Variants in PRMT8 observed in about 807,000 individuals in gnomAD.
PRMT8 encodes the protein protein arginine methyltransferase 8, also known as protein arginine N-methyltransferase 8.
A neutral mutation model predicts 47.1 loss-of-function variants in PRMT8; 7 were observed. That is an observed-to-expected ratio of 0.15 (90% confidence interval 0.08 to 0.28). PRMT8 has a LOEUF of 0.28. PRMT8 is among the 10% of genes least tolerant of loss of function. The pLI is 1.00. For missense variants in PRMT8, 237 were observed against 505.4 expected, an observed-to-expected ratio of 0.47 and a Z score of 5.09; for synonymous variants, 188 against 186.5, an observed-to-expected ratio of 1.01 and a Z score of -0.07.
Position 3,456,582 on chromosome 12 carries a change from C to T in PRMT8, c.48+75140C>T, listed in dbSNP as rs955447649. 6.6e-6 allele frequency among the ~76,000 whole-genome samples: 1 copy of T among 152,126 alleles called. No homozygotes were observed. Among genetic ancestry groups the T allele is most frequent in the Non-Finnish European group, 1.5e-5 (1 of 68,028 alleles). Reference sequence around the variant, plus strand: ...CCAACAGCCTTCTCCTCGCGAAACGCCCGGGACCATCCGTCTGAATTACCC... The same window carrying T: ...CCAACAGCCTTCTCCTCGCGAAACGTCCGGGACCATCCGTCTGAATTACCC... On this transcript the variant is annotated intron_variant, in intron 1 of 9. Coordinates refer to the PRMT8 transcript ENST00000452611. This position sits in a 1 kb window ranked among gnomAD's most constrained non-coding sequence, Gnocchi z 4.2.
intron 8 of PRMT8, among the ~76,000 whole-genome samples, chr12:3,589,530 C>T (rs1867255159): frequency 6.6e-6 from 1 of 152,184 alleles, no homozygotes; most frequent in Non-Finnish European, 1.5e-5. Flanking sequence ...TCACCTGCCC[C>T]TCCACGCCCC....
Position 3,453,946 on chromosome 12 carries a change from T to C in PRMT8, c.48+72504T>C, listed in dbSNP as rs1054014818. On this transcript the variant is annotated intron_variant, in intron 1 of 9. Transcript: ENST00000452611. The surrounding 1 kb of genome is among the most constrained non-coding windows in gnomAD (Gnocchi z 4.9). The stretch of plus-strand genomic sequence containing the variant: ...TGTGCTCCTCATGGCACATTTACCA[T>C]GGGCTTTTTCAGGTTTCGAGAAGCA... Among the ~76,000 whole-genome samples, 1 of 152,168 alleles carries C rather than the reference T, an allele frequency of 6.6e-6. No individual in the cohort carries two copies. Among genetic ancestry groups the C allele is most frequent in the African/African-American group, 2.4e-5 (1 of 41,440 alleles).
intron 1 of PRMT8, among the ~76,000 whole-genome samples, chr12:3,523,964 G>A (rs1225686497): frequency 6.6e-6 from 1 of 152,196 alleles, no homozygotes; most frequent in African/African-American, 2.4e-5. Context: ...AAACAAAGGC[G>A]ACTACTCGGC....
chr12:3,433,185 TTGATCAATA>T (rs1449709346), intron 1 of PRMT8, among the ~76,000 whole-genome samples: 5 of 152,216 alleles, frequency 3.3e-5, no homozygotes, highest in Non-Finnish European at 7.3e-5. Context: ...TTGTGTGTCT[TTGATCAATA>T]GTGAGGTTAG....
At chr12:3,386,609 C>T (rs1864140785) in intron 1 of PRMT8, among the ~76,000 whole-genome samples, 1 of 152,114 alleles carries the variant, frequency 6.6e-6, no homozygotes, top group Non-Finnish European at 1.5e-5. Context: ...TTCGTTCGTT[C>T]AACAATGATT....
intron 2 of PRMT8, among the ~76,000 whole-genome samples, chr12:3,544,895 C>T (rs1025442690): frequency 2.0e-5 from 3 of 152,156 alleles, no homozygotes; most frequent in East Asian, 3.9e-4. Flanking sequence ...GCAGTTTGGA[C>T]GAACAGGCTC....
Position 3,453,436 on chromosome 12 carries a change from G to A in PRMT8, c.48+71994G>A, listed in dbSNP as rs1240345012. 1.3e-5 allele frequency among the ~76,000 whole-genome samples: 2 copies of A among 152,172 alleles called. No homozygotes were observed. Among genetic ancestry groups the A allele is most frequent in the Non-Finnish European group, 2.9e-5 (2 of 68,030 alleles). The stretch of plus-strand genomic sequence containing the variant: ...ATGGGGAATGCAGATTCCCAGGCCA[G>A]CCCTGCCAAGTCTGAGTGAGTCCCC... On this transcript the variant is annotated intron_variant, in intron 1 of 9. Transcript: ENST00000452611. The surrounding 1 kb of genome is among the most constrained non-coding windows in gnomAD (Gnocchi z 4.9).
At chr12:3,586,988 C>G (rs1037198031) in intron 8 of PRMT8, among the ~76,000 whole-genome samples, 1 of 152,208 alleles carries the variant, frequency 6.6e-6, no homozygotes, top group Non-Finnish European at 1.5e-5. Context: ...TAGCAAACTT[C>G]TTTCCCAGTT....
chr12:3,408,024 G>A (rs1429562868), intron 1 of PRMT8, among the ~76,000 whole-genome samples: 6 of 151,866 alleles, frequency 4.0e-5, no homozygotes, highest in Non-Finnish European at 8.8e-5. Flanking sequence ...TTCTCACTCA[G>A]ATCATGAATT....
intron 1 of PRMT8, among the ~76,000 whole-genome samples, chr12:3,383,249 A>C (rs1039291532): frequency 6.6e-6 from 1 of 152,238 alleles, no homozygotes; most frequent in African/African-American, 2.4e-5. Context: ...GTCTATATCT[A>C]TAAAAATCTT....
At chr12:3,458,117 A>G (rs1864996399) in intron 1 of PRMT8, among the ~76,000 whole-genome samples, 1 of 152,212 alleles carries the variant, frequency 6.6e-6, no homozygotes, top group Non-Finnish European at 1.5e-5. Flanking sequence ...CTGGGATTAC[A>G]GGCGTGAGCA....
chr12:3,440,896 C>T (rs867954839), intron 1 of PRMT8, among the ~76,000 whole-genome samples: 2 of 152,188 alleles, frequency 1.3e-5, no homozygotes, highest in Non-Finnish European at 2.9e-5. Flanking sequence ...TTGGATCAGA[C>T]AAGAACTTGC....
At chr12:3,592,150 A>G in intron 8 of PRMT8, 81 bp from the exon 9 acceptor site, 3 of 1,450,614 alleles carry the variant, frequency 2.1e-6, no homozygotes, top group South Asian at 3.1e-5. Flanking sequence ...AGCAACTTCT[A>G]TGCAGGGTCC....
intron 1 of PRMT8, among the ~76,000 whole-genome samples, chr12:3,405,346 A>G (rs1489008073): frequency 1.3e-5 from 2 of 152,188 alleles, no homozygotes; most frequent in African/African-American, 2.4e-5. Flanking sequence ...ATTACAATTC[A>G]AGATGAGATT....
intron 1 of PRMT8, among the ~76,000 whole-genome samples, chr12:3,435,032 G>A (rs1201049457): frequency 1.3e-5 from 2 of 148,932 alleles, no homozygotes; most frequent in Non-Finnish European, 3.0e-5. Flanking sequence ...GCAGGGGCGC[G>A]ATCTCGGCTC....
At chr12:3,558,948 G>A (rs550100481) in intron 4 of PRMT8, among the ~76,000 whole-genome samples, 2 of 112,638 alleles carry the variant, frequency 1.8e-5, no homozygotes, top group African/African-American at 8.3e-5. Flanking sequence ...ACATTTATCT[G>A]TCTATCTATC....
At position 3,529,715 on chromosome 12, in the gene PRMT8, C is replaced by A. The variant is rs573989092; in HGVS notation, c.76-10891C>A. On this transcript the variant is annotated intron_variant, in intron 1 of 9. Transcript: ENST00000382622. The stretch of plus-strand genomic sequence containing the variant: ...TTGGTATGGCTATGATTTTGGCCAG[C>A]AACTTGTGATTTTCTTTCTCTCTTA... 2.6e-5 allele frequency among the ~76,000 whole-genome samples: 4 copies of A among 152,290 alleles called. No homozygotes were observed. In the East Asian group the frequency reaches 7.7e-4, roughly 29 times the overall value.
chr12:3,423,409 G>A (rs748084936), intron 1 of PRMT8, among the ~76,000 whole-genome samples: 19 of 152,152 alleles, frequency 1.2e-4, no homozygotes, highest in Non-Finnish European at 2.2e-4. Context: ...CATGTAAATG[G>A]GGGTCTGGTA....
chr12:3,506,933 AT>A (rs2137124842), intron 1 of PRMT8, among the ~76,000 whole-genome samples: 1 of 152,198 alleles, frequency 6.6e-6, no homozygotes, highest in African/African-American at 2.4e-5. Flanking sequence ...ATTGAGTTAA[AT>A]TCCCCGTCTT....
Sources: allele counts gnomAD v4.1 joint callset (sites outside exome capture counted in the v4.1 genomes callset), GRCh38; gene constraint gnomAD v4.1.1; non-coding constraint Gnocchi (gnomAD v3.1); transcripts MANE v1.5; gene names NCBI Gene and HGNC (gene_info 2026-07-23, HGNC 2026-07-21).